The following PSD3 variants were observed in gnomAD, a reference collection of about 807,000 sequenced individuals.
PSD3 encodes PH and SEC7 domain-containing protein 3.
Under a neutral mutation model 105.5 loss-of-function variants are expected in PSD3, and 49 were observed. The observed-to-expected ratio is 0.46, with a 90% CI of 0.37 to 0.59. The LOEUF is 0.59. PSD3 is among the 20% of genes least tolerant of loss of function. PSD3 has a pLI of 0.00. For missense variants in PSD3, 1,561 were observed against 1,263.8 expected, an observed-to-expected ratio of 1.24 and a Z score of -3.57; for synonymous variants, 557 against 457.8, an observed-to-expected ratio of 1.22 and a Z score of -2.77.
intron 9 of PSD3, among the ~76,000 whole-genome samples, chr8:18,755,005 C>G (rs909433440): frequency 5.9e-5 from 9 of 152,280 alleles, no homozygotes; most frequent in South Asian, 2.1e-4. Flanking sequence ...GCTCCTCAGT[C>G]TCCTGACATA....
chr8:18,605,733 C>G (rs13278518), intron 11 of PSD3, among the ~76,000 whole-genome samples: 24,977 of 152,070 alleles, frequency 0.16, 2,237 homozygotes, highest in Middle Eastern at 0.34. Context: ...GTAATTGGAT[C>G]ATGATTCATC....
intron 3 of PSD3, among the ~76,000 whole-genome samples, chr8:18,871,075 G>C (rs1359418682): frequency 6.6e-6 from 1 of 152,142 alleles, no homozygotes; most frequent in Non-Finnish European, 1.5e-5. Context: ...CTCCGGCCCG[G>C]GGGACAGAAC....
rs371725371 is a variant in PSD3 at position 18,985,614 on chromosome 8, T to C, written c.21+27949A>G. Among the ~76,000 whole-genome samples the C allele has an allele frequency of 2.7e-4, 41 of 152,294 alleles. No individual in the cohort carries two copies. The South Asian group carries it at 8.3e-3, about 31-fold the overall frequency. ...TTTACTTGTCTTTTGTCAAGAGTAA[T>C]TGCCTAAACTTGAATAGAAATATGA... On this transcript the variant is annotated intron_variant, in intron 1 of 15. Transcript: ENST00000327040.
intron 1 of PSD3, among the ~76,000 whole-genome samples, chr8:18,965,783 T>A (rs1410988170): frequency 1.3e-5 from 2 of 152,176 alleles, no homozygotes; most frequent in Non-Finnish European, 2.9e-5. Flanking sequence ...TTCACACCCA[T>A]GAGATGGATC....
chr8:18,753,619 C>T (rs1805783557), intron 9 of PSD3, among the ~76,000 whole-genome samples: 1 of 151,952 alleles, frequency 6.6e-6, no homozygotes, highest in African/African-American at 2.4e-5. Context: ...AGTAAAAATC[C>T]AACATTGACA....
chr8:18,625,202 ACACACAC>A (rs1374793195), intron 11 of PSD3, among the ~76,000 whole-genome samples: 1 of 151,880 alleles, frequency 6.6e-6, no homozygotes. Flanking sequence ...ACACACACAC[ACACACAC>A]ACACACACAC....
At chr8:18,788,581 T>C (rs1007019254) in intron 8 of PSD3, among the ~76,000 whole-genome samples, 1 of 152,200 alleles carries the variant, frequency 6.6e-6, no homozygotes, top group Non-Finnish European at 1.5e-5. Context: ...TTAAGCATAA[T>C]GATTCTAAAA....
At chr8:18,797,790 C>T (rs189827600) in intron 8 of PSD3, among the ~76,000 whole-genome samples, 5 of 152,066 alleles carry the variant, frequency 3.3e-5, no homozygotes, top group Non-Finnish European at 7.4e-5. Context: ...TTTTTTTCCT[C>T]CCACCATTAA....
rs571721288 is a variant in PSD3 at position 18,612,945 on chromosome 8, C to G, written c.2411-12511G>C. On this transcript the variant is annotated intron_variant, in intron 11 of 15. Coordinates refer to ENST00000327040, the MANE Select transcript of PSD3 (RefSeq NM_015310.4). ...TATCTTTCCCCACTTGGCCAGGAGACGGTTTCACTGGCAGCCATTACTAGA... is the reference window on the plus strand; with the variant it reads ...TATCTTTCCCCACTTGGCCAGGAGAGGGTTTCACTGGCAGCCATTACTAGA... Among the ~76,000 whole-genome samples the G allele has an allele frequency of 1.6e-3, 238 of 152,188 alleles. 2 individuals are homozygous for G. Among genetic ancestry groups the G allele is most frequent in the African/African-American group, 5.1e-3 (213 of 41,504 alleles).
chr8:18,862,536 G>A (rs1431201851), intron 4 of PSD3, among the ~76,000 whole-genome samples: 1 of 152,132 alleles, frequency 6.6e-6, no homozygotes, highest in Non-Finnish European at 1.5e-5. Context: ...AAGCCACAAG[G>A]CAGCAGACCT....
chr8:18,754,794 G>A (rs1215322109), intron 9 of PSD3, among the ~76,000 whole-genome samples: 1 of 151,992 alleles, frequency 6.6e-6, no homozygotes, highest in Non-Finnish European at 1.5e-5. Flanking sequence ...GCTAAGTGAA[G>A]CATTACTATA....
chr8:18,831,880 G>A (rs934688376), intron 4 of PSD3, among the ~76,000 whole-genome samples: 4 of 151,866 alleles, frequency 2.6e-5, no homozygotes, highest in Non-Finnish European at 5.9e-5. Flanking sequence ...GTAATTTATA[G>A]TAACAGAATA....
At position 18,556,370 on chromosome 8, in the gene PSD3, G is replaced by A. The variant is rs756708410; in HGVS notation, c.2785-18C>T. 6.9e-6 allele frequency: 11 copies of A among 1,593,800 alleles called. No homozygotes were observed. Among genetic ancestry groups the A allele is most frequent in the Non-Finnish European group, 9.4e-6 (11 of 1,174,108 alleles). On this transcript the variant is annotated intron_variant, in intron 14 of 15. Coordinates refer to ENST00000327040, the MANE Select transcript of PSD3 (RefSeq NM_015310.4). ...TGCTCCTCCTGCAGGAAATCATGATGCCATTTAGCGTTCAAAAAAAAAACA... is the reference window on the plus strand; with the variant it reads ...TGCTCCTCCTGCAGGAAATCATGATACCATTTAGCGTTCAAAAAAAAAACA...
chr8:18,538,573 A>G (rs1446732950), intron 15 of PSD3, among the ~76,000 whole-genome samples: 1 of 152,252 alleles, frequency 6.6e-6, no homozygotes, highest in African/African-American at 2.4e-5. Flanking sequence ...AAATAGATTC[A>G]GGAAACCAGC....
intron 9 of PSD3, among the ~76,000 whole-genome samples, chr8:18,683,106 C>T (rs980974586): frequency 3.3e-5 from 5 of 152,186 alleles, no homozygotes; most frequent in East Asian, 3.9e-4. Context: ...CACTTCACTA[C>T]GTAATCACTC....
chr8:18,594,466 T>C (rs1323027062), intron 12 of PSD3, among the ~76,000 whole-genome samples: 1 of 130,592 alleles, frequency 7.7e-6, no homozygotes, highest in African/African-American at 3.0e-5. Context: ...ATATTATATA[T>C]ATACAAAAGA....
At chr8:18,566,290 C>T (rs1563328531) in intron 14 of PSD3, among the ~76,000 whole-genome samples, 2 of 151,982 alleles carry the variant, frequency 1.3e-5, no homozygotes, top group South Asian at 4.1e-4. Flanking sequence ...TTTGGGAGGC[C>T]GAGGTGGGCA....
intron 8 of PSD3, among the ~76,000 whole-genome samples, chr8:18,793,114 G>C (rs1373410932): frequency 2.0e-5 from 3 of 152,084 alleles, no homozygotes; most frequent in Admixed American, 1.3e-4. Context: ...TCATAGGTGG[G>C]AACTGAACAA....
At chr8:18,632,578 A>C in intron 11 of PSD3, 35 bp downstream of exon 11, 1 of 1,563,500 alleles carries the variant, frequency 6.4e-7, no homozygotes, top group South Asian at 1.2e-5. Flanking sequence ...AAGATAAAAT[A>C]AATGAAATAG....
Sources: gnomAD v4.1 joint callset for allele counts (sites outside exome capture counted in the v4.1 genomes callset) on GRCh38, gnomAD v4.1.1 for gene constraint, MANE v1.5 for transcripts, NCBI Gene and HGNC (gene_info 2026-07-23, HGNC 2026-07-21) for gene names.